Variants in PPP6R2 observed in about 807,000 individuals in gnomAD.
PPP6R2 encodes the protein protein phosphatase 6 regulatory subunit 2, also known as serine/threonine-protein phosphatase 6 regulatory subunit 2.
In PPP6R2, 62 loss-of-function variants were observed where a neutral mutation model predicts 100.2. That is an observed-to-expected ratio of 0.62 (90% CI 0.50 to 0.76). The LOEUF (loss-of-function observed/expected upper bound fraction) is 0.76, where lower values mean the gene tolerates loss of function less well. Among genes scored for constraint, PPP6R2 ranks in the 30% least tolerant of loss-of-function variants. PPP6R2 has a pLI of 0.00. For synonymous variants in PPP6R2, 525 were observed against 514.7 expected (o/e 1.02, Z -0.27); for missense variants, 1,142 against 1,276.3 (o/e 0.89, Z 1.60).
At chr22:50,434,931 C>T (rs774138004) in intron 12 of PPP6R2, 35 bp from the exon 13 acceptor site, 1 of 1,572,072 alleles carries the variant, frequency 6.4e-7, no homozygotes, top group East Asian at 2.3e-5. Flanking sequence ...AGGTCGGGGC[C>T]AGGAGGCCGC....
At chr22:50,381,078 C>T (rs959549563) in intron 2 of PPP6R2, among the ~76,000 whole-genome samples, 1 of 148,226 alleles carries the variant, frequency 6.7e-6, no homozygotes, top group African/African-American at 2.5e-5. Context: ...CACGCCATTG[C>T]ACTCCAGCCT....
At chr22:50,356,028 T>A (rs1444544459) in intron 1 of PPP6R2, among the ~76,000 whole-genome samples, 1 of 150,960 alleles carries the variant, frequency 6.6e-6, no homozygotes, top group African/African-American at 2.4e-5. Context: ...AGTGGCGCGA[T>A]CTCGGCTCAC....
chr22:50,394,332 C>G (rs565333529), intron 3 of PPP6R2, among the ~76,000 whole-genome samples, 197 bp downstream of exon 3: 2 of 152,076 alleles, frequency 1.3e-5, no homozygotes, highest in Non-Finnish European at 2.9e-5. Context: ...CAGTGGCTCA[C>G]GCCTGTAATC....
chr22:50,425,798 G>A (rs1443916243), intron 10 of PPP6R2, among the ~76,000 whole-genome samples: 3 of 151,792 alleles, frequency 2.0e-5, no homozygotes, highest in Admixed American at 6.6e-5. Context: ...GCATCTTCTC[G>A]TGCTTTTTGG....
chr22:50,357,917 C>A (rs1350984136), intron 1 of PPP6R2, among the ~76,000 whole-genome samples: 1 of 151,530 alleles, frequency 6.6e-6, no homozygotes, highest in African/African-American at 2.4e-5. Flanking sequence ...AGCCACCGCA[C>A]CTGGCACCTG....
rs1360295233 is a variant in PPP6R2 at position 50,343,423 on chromosome 22, G to A, written c.-275G>A. On this transcript the variant is annotated 5_prime_UTR_variant, in exon 1 of 24. Coordinates refer to ENST00000612753, the MANE Select transcript of PPP6R2 (RefSeq NM_001242898.2). ...CGGTGTCCGTAGGCGCTGCGCCCTC[G>A]GCCGGGCCCATGTGTGTGCGGCCCG... 1 of 151,138 alleles carries A rather than the reference G, an allele frequency of 6.6e-6. No homozygotes were observed. Among genetic ancestry groups the A allele is most frequent in the Non-Finnish European group, 1.5e-5 (1 of 67,562 alleles). The allele number at this position is 151,138 out of a possible 1,614,324, so 9.4% of individuals were successfully genotyped here.
intron 2 of PPP6R2, among the ~76,000 whole-genome samples, chr22:50,387,128 A>G (rs1569361292): frequency 6.6e-6 from 1 of 152,170 alleles, no homozygotes; most frequent in Non-Finnish European, 1.5e-5. Context: ...GGGTACGATC[A>G]TAGCTCAGGG....
At chr22:50,368,503 T>C (rs2148457701) in intron 1 of PPP6R2, among the ~76,000 whole-genome samples, 1 of 152,328 alleles carries the variant, frequency 6.6e-6, no homozygotes, top group Middle Eastern at 3.4e-3. Flanking sequence ...AGAACAAAGA[T>C]TATTATAATA....
At chr22:50,339,444 G>C (rs1189084986), upstream of PPP6R2, among the ~76,000 whole-genome samples, 2 of 137,078 alleles carry the variant, frequency 1.5e-5, no homozygotes, top group African/African-American at 2.7e-5. Flanking sequence ...TACGGTGTGT[G>C]TTGTGTGTGG....
At chr22:50,421,913 TGAAA>T (rs2061391933) in intron 8 of PPP6R2, among the ~76,000 whole-genome samples, 1 of 151,740 alleles carries the variant, frequency 6.6e-6, no homozygotes, top group Admixed American at 6.6e-5. Context: ...ACAGGAACAG[TGAAA>T]GAGACAGGGA....
At chr22:50,362,567 G>T (rs563525817) in intron 1 of PPP6R2, among the ~76,000 whole-genome samples, 1 of 152,324 alleles carries the variant, frequency 6.6e-6, no homozygotes, top group South Asian at 2.1e-4. Context: ...CTCAAAGACA[G>T]GCAGGGTGCT....
At chr22:50,415,339 C>G (rs2060385028) in intron 5 of PPP6R2, among the ~76,000 whole-genome samples, 1 of 152,192 alleles carries the variant, frequency 6.6e-6, no homozygotes, top group Admixed American at 6.5e-5. Flanking sequence ...ATCCGATGAC[C>G]ACTCTCACTC....
At position 50,437,526 on chromosome 22, in the gene PPP6R2, C is replaced by G; in HGVS notation, c.1704C>G (p.Ile568Met). Residue 568 changes from isoleucine to methionine, a missense_variant, in exon 16 of 24, where the codon ATC becomes ATG. By Grantham distance (10) the Ile-to-Met change is conservative. Coordinates refer to ENST00000612753, the MANE Select transcript of PPP6R2 (RefSeq NM_001242898.2). ...CCCAGGCCTTCTCTGACTACCAGAT[C>G]CAGCAGATGACAGCCAACTTCGTGG... Reference protein sequence around the residue: ...SLQQAFSDYQIQQMTANFVDQ... With the variant: ...SLQQAFSDYQMQQMTANFVDQ... 1 of 1,232,232 alleles carries G rather than the reference C, an allele frequency of 8.1e-7. No homozygotes were observed. Among genetic ancestry groups the G allele is most frequent in the Non-Finnish European group, 1.1e-6 (1 of 904,154 alleles). 76.3% of individuals were successfully genotyped at this position (1,232,232 alleles called of 1,614,324 possible).
At chr22:50,341,042 CTGGGACTGCA>C (rs1038123325), upstream of PPP6R2, among the ~76,000 whole-genome samples, 4 of 152,116 alleles carry the variant, frequency 2.6e-5, no homozygotes, top group Non-Finnish European at 5.9e-5. Context: ...TCCCGAGTAG[CTGGGACTGCA>C]GGCGCCCGCC....
At chr22:50,404,038 A>T (rs922856947) in intron 3 of PPP6R2, among the ~76,000 whole-genome samples, 5 of 151,952 alleles carry the variant, frequency 3.3e-5, no homozygotes, top group Middle Eastern at 3.4e-3. Flanking sequence ...GACCTTGAGC[A>T]CACATTTGCT....
At chr22:50,442,289 A>G (rs1448512055) in intron 22 of PPP6R2, among the ~76,000 whole-genome samples, 1 of 152,188 alleles carries the variant, frequency 6.6e-6, no homozygotes, top group Non-Finnish European at 1.5e-5. Flanking sequence ...TCCCCCAGCC[A>G]AGCTGCAAGC....
chr22:50,405,877 G>A (rs562129518), intron 3 of PPP6R2, among the ~76,000 whole-genome samples: 1 of 141,334 alleles, frequency 7.1e-6, no homozygotes, highest in African/African-American at 2.7e-5. Flanking sequence ...AGAGGTGAGA[G>A]GCCTGGAGAG....
the PPP6R2 span, among the ~76,000 whole-genome samples, chr22:50,334,194 T>C: frequency 6.6e-6 from 1 of 152,206 alleles, no homozygotes; most frequent in Non-Finnish European, 1.5e-5. Flanking sequence ...ATGTCAGGCC[T>C]TCCACAAGAG....
Position 50,406,812 on chromosome 22 carries a change from T to A in PPP6R2, c.351T>A (p.Asn117Lys). The A allele has an allele frequency of 1.2e-6, 2 of 1,614,128 alleles. No homozygotes were observed. The highest frequency in any genetic ancestry group is 1.7e-6 in the Non-Finnish European group (2 of 1,180,004). The stretch of plus-strand genomic sequence containing the variant: ...TCTTGGACCATGAGCCGCCTCTCAA[T>A]CCTCTGCTCGCCAGTTTTTTCAGCA... ...YDFLDHEPPL[N>K]PLLASFFSKT... Residue 117 changes from asparagine to lysine, a missense_variant, in exon 4 of 24, where the codon AAT becomes AAA. By Grantham distance (94) the Asn-to-Lys change is moderately conservative. This residue lies in a region of PPP6R2 where 592 missense variants were observed against 758.9 expected (regional missense o/e 0.78). Coordinates refer to ENST00000612753, the MANE Select transcript of PPP6R2 (RefSeq NM_001242898.2).
Sources: gnomAD v4.1 joint callset for allele counts (sites outside exome capture counted in the v4.1 genomes callset) on GRCh38, gnomAD v4.1.1 for gene constraint, gnomAD v4.1.1 regional missense constraint, MANE v1.5 for transcripts, NCBI Gene and HGNC (gene_info 2026-07-23, HGNC 2026-07-21) for gene names.